The following PTPN3 variants were observed in gnomAD, a reference collection of about 807,000 sequenced individuals.
The protein encoded by PTPN3 is tyrosine-protein phosphatase non-receptor type 3.
In PTPN3, 96 loss-of-function variants were observed where a neutral mutation model predicts 132.7. That is an observed-to-expected ratio of 0.72 (90% CI 0.61 to 0.86). PTPN3 has a LOEUF of 0.86. Among genes scored for constraint, PTPN3 ranks in the 40% least tolerant of loss-of-function variants. The pLI is 0.00. For synonymous variants in PTPN3, 398 were observed against 429.0 expected, an observed-to-expected ratio of 0.93 and a Z score of 0.89; for missense variants, 1,125 against 1,159.6, an observed-to-expected ratio of 0.97 and a Z score of 0.43.
At chr9:109,397,082 A>T (rs538330359) in intron 19 of PTPN3, among the ~76,000 whole-genome samples, 1 of 152,342 alleles carries the variant, frequency 6.6e-6, no homozygotes, top group Non-Finnish European at 1.5e-5. Flanking sequence ...AGGAAAAAAA[A>T]GGGGGACCGG....
At chr9:109,461,504 C>T (rs1422598774) in intron 2 of PTPN3, among the ~76,000 whole-genome samples, 2 of 152,120 alleles carry the variant, frequency 1.3e-5, no homozygotes, top group African/African-American at 2.4e-5. Context: ...CTTTACAATT[C>T]CAGCACTTCA....
rs1188556293 is a variant in PTPN3, at chr9:109,420,405, A to C, written c.1313+19T>G. 6.4e-7 allele frequency: 1 copy of C among 1,572,658 alleles called. No homozygotes were observed. Among genetic ancestry groups the C allele is most frequent in the South Asian group, 1.2e-5 (1 of 86,546 alleles). Reference sequence around the variant, plus strand: ...CCAAAAAGCAAATACCCAGAAATAAAACAACACGAGTTTCTTACTCTTGGT... The same window carrying C: ...CCAAAAAGCAAATACCCAGAAATAACACAACACGAGTTTCTTACTCTTGGT... On this transcript the variant is annotated intron_variant, in intron 14 of 25. Coordinates refer to ENST00000374541, the MANE Select transcript of PTPN3 (RefSeq NM_002829.4).
the PTPN3 span, among the ~76,000 whole-genome samples, chr9:109,521,014 C>G: frequency 6.6e-6 from 1 of 152,146 alleles, no homozygotes; most frequent in Non-Finnish European, 1.5e-5. Context: ...CCTTGATAGT[C>G]TCTCTCTGCC....
In PTPN3 at chr9:109,391,521, G is replaced by A; in HGVS notation, c.1994C>T (p.Ala665Val). 6.2e-7 allele frequency: 1 copy of A among 1,614,000 alleles called. No homozygotes were observed. Among genetic ancestry groups the A allele is most frequent in the Non-Finnish European group, 8.5e-7 (1 of 1,179,966 alleles). ...TTTGTCCAAATTTTGAGGCAGCTTT[G>A]CAAACGTGATGGCCAAACCTGGCTT... ...RKKPGLAITF[A>V]KLPQNLDKNR... The change falls in exon 20 of 26, where the codon GCA (alanine) becomes GTA (valine). Residue 665 changes from alanine (A) to valine (V), a missense_variant. Physicochemically the swap from Ala to Val is moderately conservative, Grantham distance 64. Coordinates refer to ENST00000374541, the MANE Select transcript of PTPN3 (RefSeq NM_002829.4).
chr9:109,483,306 A>G (rs768287510), intron 1 of PTPN3, among the ~76,000 whole-genome samples: 1 of 152,232 alleles, frequency 6.6e-6, no homozygotes, highest in Non-Finnish European at 1.5e-5. Context: ...GACAGGCTCC[A>G]GTGCCCCAGC....
intron 25 of PTPN3, among the ~76,000 whole-genome samples, chr9:109,381,017 AAATG>A (rs577928736): frequency 6.6e-6 from 1 of 152,182 alleles, no homozygotes; most frequent in Admixed American, 6.5e-5. Flanking sequence ...CTTCTTTGTC[AAATG>A]AATGAATGAA....
intron 19 of PTPN3, chr9:109,392,834 C>G (rs547803200): frequency 6.6e-6 from 1 of 152,292 alleles, no homozygotes; most frequent in South Asian, 2.1e-4. Flanking sequence ...AAACTCCTGA[C>G]CTCAACTGAT....
intron 1 of PTPN3, among the ~76,000 whole-genome samples, chr9:109,464,319 G>C (rs1385237791): frequency 6.6e-6 from 1 of 152,194 alleles, no homozygotes. Context: ...CTCACTAAAA[G>C]ACATGTACCA....
chr9:109,434,613 A>G (rs1427625939), intron 9 of PTPN3, among the ~76,000 whole-genome samples: 1 of 152,220 alleles, frequency 6.6e-6, no homozygotes, highest in Non-Finnish European at 1.5e-5. Flanking sequence ...TGACCCAGAT[A>G]CTAGTAATTA....
the PTPN3 span, among the ~76,000 whole-genome samples, chr9:109,516,764 A>G: frequency 6.6e-6 from 1 of 152,198 alleles, no homozygotes; most frequent in African/African-American, 2.4e-5. Flanking sequence ...GCACTAATAA[A>G]AGGGAACAAT....
At chr9:109,457,937 T>TTATCTGCCTCCCTGCTTCC (rs1360473170) in intron 2 of PTPN3, among the ~76,000 whole-genome samples, 1 of 152,182 alleles carries the variant, frequency 6.6e-6, no homozygotes, top group African/African-American at 2.4e-5. Context: ...CCCTGTGGGA[T>TTATCTGCCTCCCTGCTTCC]TATCTGCCTC....
At chr9:109,462,833 G>A (rs66537168) in intron 2 of PTPN3, among the ~76,000 whole-genome samples, 48,791 of 151,782 alleles carry the variant, frequency 0.32, 8,479 homozygotes, top group African/African-American at 0.42. Context: ...TGCCAGGCAC[G>A]GGGGAAACAA....
chr9:109,520,210 C>A, the PTPN3 span, among the ~76,000 whole-genome samples: 1 of 150,720 alleles, frequency 6.6e-6, no homozygotes, highest in Admixed American at 6.6e-5. Flanking sequence ...AGAGGCAAAA[C>A]TTACCTAGAT....
intron 9 of PTPN3, among the ~76,000 whole-genome samples, chr9:109,436,624 G>A (rs559173843): frequency 6.6e-6 from 1 of 151,632 alleles, no homozygotes; most frequent in Admixed American, 6.6e-5. Context: ...ATATAAAATG[G>A]TCTTACAAAA....
At chr9:109,440,290 AGGCTATGT>A (rs1844358721) in intron 7 of PTPN3, among the ~76,000 whole-genome samples, 1 of 152,236 alleles carries the variant, frequency 6.6e-6, no homozygotes, top group African/African-American at 2.4e-5. Context: ...AGAAATGTCA[AGGCTATGT>A]GGCTGGTGAG....
chr9:109,383,219 TG>T, intron 23 of PTPN3: 1 of 754,874 alleles, frequency 1.3e-6, no homozygotes. Flanking sequence ...CGATGGACAC[TG>T]GGCTGTTTGC....
chr9:109,489,823 T>C (rs1265454676), intron 1 of PTPN3, among the ~76,000 whole-genome samples: 3 of 152,000 alleles, frequency 2.0e-5, no homozygotes, highest in Non-Finnish European at 4.4e-5. Flanking sequence ...CCTCTCTTTT[T>C]TGGGGAAAGC....
the PTPN3 span, among the ~76,000 whole-genome samples, chr9:109,529,230 C>CA: frequency 2.0e-5 from 3 of 152,232 alleles, no homozygotes; most frequent in Non-Finnish European, 4.4e-5. Flanking sequence ...AGCAGCTTCT[C>CA]AAAGTGGTTC....
rs1845596253 is a variant in PTPN3 at position 109,456,907 on chromosome 9, A to G, written c.289+266T>C. On this transcript the variant is annotated intron_variant, in intron 4 of 25. Transcript: ENST00000374541. ...ATCCTCCTTCCTTTTCCTTCCTTGAATACAGAAATGTGGGTTCCCTCGCTC... is the reference window on the plus strand; with the variant it reads ...ATCCTCCTTCCTTTTCCTTCCTTGAGTACAGAAATGTGGGTTCCCTCGCTC... Among the ~76,000 whole-genome samples the G allele has an allele frequency of 2.0e-5, 3 of 152,098 alleles. No homozygotes were observed. In the South Asian group the frequency reaches 6.2e-4, roughly 32 times the overall value.
Sources: allele counts gnomAD v4.1 joint callset (sites outside exome capture counted in the v4.1 genomes callset), GRCh38; gene constraint gnomAD v4.1.1; transcripts MANE v1.5; gene names NCBI Gene and HGNC (gene_info 2026-07-23, HGNC 2026-07-21).